Variants in MARCHF8 observed in about 807,000 individuals in gnomAD.
MARCHF8 encodes membrane associated ring-CH-type finger 8, also known as E3 ubiquitin-protein ligase MARCHF8.
Under a neutral mutation model 51.6 loss-of-function variants are expected in MARCHF8, and 40 were observed. The observed-to-expected ratio is 0.77, with a 90% CI of 0.60 to 1.01. The LOEUF (loss-of-function observed/expected upper bound fraction) is 1.01. Among genes scored for constraint, MARCHF8 ranks in the 50% least tolerant of loss-of-function variants. The pLI, the probability that MARCHF8 is intolerant of heterozygous loss-of-function variation, is 0.00. For missense variants in MARCHF8, 685 were observed against 708.6 expected (o/e 0.97, Z 0.38); for synonymous variants, 263 against 280.3 (o/e 0.94, Z 0.62).
intron 2 of MARCHF8, among the ~76,000 whole-genome samples, chr10:45,501,684 C>T (rs1032298161): frequency 2.6e-5 from 4 of 151,976 alleles, no homozygotes; most frequent in African/African-American, 9.7e-5. Flanking sequence ...TGAAAGACCC[C>T]GCTAAAAGGC....
intron 1 of MARCHF8, among the ~76,000 whole-genome samples, chr10:45,565,523 A>G (rs879808920): frequency 1.1e-4 from 16 of 152,160 alleles, no homozygotes; most frequent in East Asian, 7.7e-4. Flanking sequence ...TAATTTTATG[A>G]GAAGTGGTAT....
chr10:45,543,193 G>A (rs180966246), intron 1 of MARCHF8, among the ~76,000 whole-genome samples: 15 of 152,084 alleles, frequency 9.9e-5, no homozygotes, highest in Admixed American at 2.6e-4. Context: ...ACATAACACC[G>A]TCCTAGTGTT....
chr10:45,550,683 A>G (rs557743030), intron 1 of MARCHF8, among the ~76,000 whole-genome samples: 1 of 152,016 alleles, frequency 6.6e-6, no homozygotes, highest in East Asian at 1.9e-4. Flanking sequence ...TGTACATGCC[A>G]TGTACAACCT....
rs1589122073 is a variant in MARCHF8 at position 45,497,412 on chromosome 10, G to A, written c.103-7995C>T. The stretch of plus-strand genomic sequence containing the variant: ...CCGAGCTATGTAAAAGACTTGAACA[G>A]CACTAAACCAACTTGACCTAACAGA... On this transcript the variant is annotated intron_variant, in intron 2 of 7. Transcript: ENST00000453424. 4.6e-5 allele frequency among the ~76,000 whole-genome samples: 7 copies of A among 152,210 alleles called. No homozygotes were observed. The South Asian group carries it at 1.4e-3, about 32-fold the overall frequency.
chr10:45,467,015 T>C (rs1007522545), intron 3 of MARCHF8, among the ~76,000 whole-genome samples: 65 of 152,302 alleles, frequency 4.3e-4, no homozygotes, highest in Admixed American at 1.3e-3. Flanking sequence ...TTGTAGCAGA[T>C]GTCAAGGCCA....
chr10:45,548,117 G>C (rs1259830994), intron 1 of MARCHF8, among the ~76,000 whole-genome samples: 1 of 152,194 alleles, frequency 6.6e-6, no homozygotes, highest in Non-Finnish European at 1.5e-5. Flanking sequence ...AAGAGCGGCA[G>C]AATGGATGGA....
At chr10:45,487,698 T>C (rs2043007648) in intron 3 of MARCHF8, among the ~76,000 whole-genome samples, 1 of 152,222 alleles carries the variant, frequency 6.6e-6, no homozygotes, top group South Asian at 2.1e-4. Flanking sequence ...GGAAGAATAA[T>C]ATAATTAGAT....
At chr10:45,531,148 G>A (rs1371313351) in intron 2 of MARCHF8, among the ~76,000 whole-genome samples, 1 of 152,182 alleles carries the variant, frequency 6.6e-6, no homozygotes, top group African/African-American at 2.4e-5. Flanking sequence ...CTTTAAGCCA[G>A]TCAATGTGTA....
At chr10:45,514,862 TC>T (rs1029703707) in intron 2 of MARCHF8, among the ~76,000 whole-genome samples, 75 of 152,256 alleles carry the variant, frequency 4.9e-4, no homozygotes, top group African/African-American at 1.6e-3. Context: ...AAAATTTTTT[TC>T]CCCACAAAAC....
intron 1 of MARCHF8, 27 bp from the exon 2 acceptor site, chr10:45,533,316 C>A: frequency 7.4e-7 from 1 of 1,356,684 alleles, no homozygotes; most frequent in Non-Finnish European, 9.6e-7. Context: ...AGAGAATAAA[C>A]ATAACTCAGC....
At chr10:45,543,192 C>A (rs1021812338) in intron 1 of MARCHF8, among the ~76,000 whole-genome samples, 2 of 152,116 alleles carry the variant, frequency 1.3e-5, no homozygotes, top group African/African-American at 4.8e-5. Flanking sequence ...GACATAACAC[C>A]GTCCTAGTGT....
At chr10:45,551,526 C>T (rs1335621418) in intron 1 of MARCHF8, among the ~76,000 whole-genome samples, 1 of 152,064 alleles carries the variant, frequency 6.6e-6, no homozygotes, top group Non-Finnish European at 1.5e-5. Flanking sequence ...TGCCTGTCAC[C>T]ACACCCAGCT....
At chr10:45,515,337 TTTCTC>T (rs2043600372) in intron 2 of MARCHF8, among the ~76,000 whole-genome samples, 1 of 152,218 alleles carries the variant, frequency 6.6e-6, no homozygotes, top group African/African-American at 2.4e-5. Flanking sequence ...GCTGCAATGT[TTTCTC>T]TTCTGAACTC....
Position 45,463,458 on chromosome 10 carries a change from A to G in MARCHF8, c.781T>C (p.Tyr261His), listed in dbSNP as rs1341553114. 1 of 1,550,636 alleles carries G rather than the reference A, an allele frequency of 6.4e-7. No homozygotes were observed. The highest frequency in any genetic ancestry group is 8.7e-7 in the Non-Finnish European group (1 of 1,147,016). Residue 261 changes from tyrosine (Y) to histidine (H), a missense_variant, in exon 5 of 8, where the codon TAC becomes CAC. Physicochemically the swap from Tyr to His is moderately conservative, Grantham distance 83 (BLOSUM62 2). Transcript: ENST00000453424. ...ATSRSRQLLQ[Y>H]LFSLSHGLSA... ...AAGCCGTGCGAGAGTGAGAACAGGT[A>G]CTGGAGCAGTTGCCGGCTTCGGGAC... is the stretch of plus-strand genomic sequence containing the variant.
At chr10:45,502,917 T>C (rs1296091389) in intron 2 of MARCHF8, among the ~76,000 whole-genome samples, 8 of 152,206 alleles carry the variant, frequency 5.3e-5, no homozygotes, top group Non-Finnish European at 1.2e-4. Flanking sequence ...TCTTTACATT[T>C]GACGGCTGAA....
At chr10:45,526,438 A>AGTGAGTT (rs1420346540) in intron 2 of MARCHF8, among the ~76,000 whole-genome samples, 1 of 152,170 alleles carries the variant, frequency 6.6e-6, no homozygotes, top group Admixed American at 6.5e-5. Flanking sequence ...AGCCTAATAG[A>AGTGAGTT]GTGAGTTGCC....
At chr10:45,537,412 G>A (rs58393353), upstream of MARCHF8, among the ~76,000 whole-genome samples, 2,423 of 152,248 alleles carry the variant, frequency 0.016, 64 homozygotes, top group African/African-American at 0.055. Flanking sequence ...CAGCACTTTG[G>A]GGGGCCAAGG....
chr10:45,551,089 C>T (rs951858420), intron 1 of MARCHF8, among the ~76,000 whole-genome samples: 12 of 152,144 alleles, frequency 7.9e-5, no homozygotes, highest in African/African-American at 2.9e-4. Context: ...TCAGAGAGGT[C>T]AAGTGATCCA....
intron 3 of MARCHF8, among the ~76,000 whole-genome samples, chr10:45,473,745 A>C (rs1170826957): frequency 6.6e-6 from 1 of 152,158 alleles, no homozygotes; most frequent in Non-Finnish European, 1.5e-5. Context: ...TTTAGGCCAA[A>C]GTACTCACAT....
Sources: gnomAD v4.1 joint callset for allele counts (sites outside exome capture counted in the v4.1 genomes callset) on GRCh38, gnomAD v4.1.1 for gene constraint, MANE v1.5 for transcripts, NCBI Gene and HGNC (gene_info 2026-07-23, HGNC 2026-07-21) for gene names.